The following PIEZO2 variants were observed in gnomAD, a reference collection of about 807,000 sequenced individuals.
PIEZO2 encodes the protein piezo type mechanosensitive ion channel component 2.
A neutral mutation model predicts 337.3 loss-of-function variants in PIEZO2; 172 were observed. The ratio of observed to expected loss-of-function variants is 0.51; its 90% confidence interval spans 0.45 to 0.58. The LOEUF is 0.58. Among genes scored for constraint, PIEZO2 ranks in the 20% least tolerant of loss-of-function variants. The pLI is 0.00. For missense variants in PIEZO2, 3,028 were observed against 3,391.3 expected, an observed-to-expected ratio of 0.89 and a Z score of 2.66; for synonymous variants, 1,251 against 1,228.5, an observed-to-expected ratio of 1.02 and a Z score of -0.38.
In PIEZO2 at chr18:10,784,819, C is replaced by T; in HGVS notation, c.2457G>A (p.Lys819=). Residue 819 remains lysine, a synonymous_variant, in exon 17 of 56, where the codon AAG becomes AAA. Transcript: ENST00000674853. This position sits in a 1 kb window ranked among gnomAD's most constrained non-coding sequence, Gnocchi z 4.5. ...HDRFLELTDL[K]SIPSKEDNTI... The stretch of plus-strand genomic sequence containing the variant: ...TGTTGTCTTCTTTGCTGGGAATGGA[C>T]TTGAGGTCTGTGAGTTCAAGGAACC... The T allele has an allele frequency of 6.5e-7, 1 of 1,537,546 alleles. No homozygotes were observed. The highest frequency in any genetic ancestry group is 8.7e-7 in the Non-Finnish European group (1 of 1,146,898).
Position 10,916,967 on chromosome 18 carries a change from A to C in PIEZO2, c.287-5739T>G, listed in dbSNP as rs556905546. On this transcript the variant is annotated intron_variant, in intron 3 of 55. Transcript: ENST00000674853. Reference sequence around the variant, plus strand: ...TTATTCCACAAAGTTGTAGTGTCTGATGATGAATTCTGGAAGCCTGTGAAT... The same window carrying C: ...TTATTCCACAAAGTTGTAGTGTCTGCTGATGAATTCTGGAAGCCTGTGAAT... Among the ~76,000 whole-genome samples the C allele has an allele frequency of 2.2e-4, 33 of 152,258 alleles. No individual in the cohort carries two copies. The South Asian group carries it at 4.3e-3, about 20-fold the overall frequency.
chr18:10,988,323 T>C lies in PIEZO2; in HGVS notation c.161-8663A>G, dbSNP rs2034961348. Reference sequence around the variant, plus strand: ...TCCCACCCTCTGGAACTATGAGTAATAAATTTCTATTCTTTATAAATTATC... The same window carrying C: ...TCCCACCCTCTGGAACTATGAGTAACAAATTTCTATTCTTTATAAATTATC... On this transcript the variant is annotated intron_variant, in intron 2 of 55. Transcript: ENST00000674853. The surrounding 1 kb of genome is among the most constrained non-coding windows in gnomAD (Gnocchi z 4.8). Among the ~76,000 whole-genome samples the C allele has an allele frequency of 6.6e-6, 1 of 152,180 alleles. No homozygotes were observed. Among genetic ancestry groups the C allele is most frequent in the South Asian group, 2.1e-4 (1 of 4,832 alleles).
At chr18:11,030,732 C>A (rs1391777951) in intron 2 of PIEZO2, among the ~76,000 whole-genome samples, 1 of 152,092 alleles carries the variant, frequency 6.6e-6, no homozygotes, top group Non-Finnish European at 1.5e-5. Context: ...AAGACGTAGT[C>A]CAGGGCCAGG....
intron 3 of PIEZO2, among the ~76,000 whole-genome samples, chr18:10,967,027 T>G (rs1379363205): frequency 6.8e-6 from 1 of 147,694 alleles, no homozygotes; most frequent in African/African-American, 2.5e-5. Flanking sequence ...TGTTTTTTTT[T>G]TTTTTTTTGA....
chr18:11,091,921 C>T (rs555438250), intron 1 of PIEZO2, among the ~76,000 whole-genome samples: 14 of 152,180 alleles, frequency 9.2e-5, no homozygotes, highest in African/African-American at 2.2e-4. Context: ...CGCTTTCACA[C>T]GACAACCTCC....
At chr18:10,838,644 C>A (rs2041095249) in intron 7 of PIEZO2, among the ~76,000 whole-genome samples, 1 of 152,230 alleles carries the variant, frequency 6.6e-6, no homozygotes, top group Non-Finnish European at 1.5e-5. Flanking sequence ...AAGGGGCTTA[C>A]ATTTAATTAT....
chr18:10,857,044 G>A lies in PIEZO2; in HGVS notation c.660C>T (p.Thr220=). ...KLKEFIGNMI[T]TAGKVVVTIL... Reference sequence around the variant, plus strand: ...TGGTAACAACGACTTTCCCAGCAGTGGTGATCATGTTGCCAATGAACTCCT... The same window carrying A: ...TGGTAACAACGACTTTCCCAGCAGTAGTGATCATGTTGCCAATGAACTCCT... The change falls in exon 6 of 56, where the codon ACC becomes ACT. Residue 220 remains threonine (T), a synonymous_variant. Coordinates refer to ENST00000674853, the MANE Select transcript of PIEZO2 (RefSeq NM_001378183.1). The A allele has an allele frequency of 1.3e-6, 2 of 1,537,318 alleles. No individual in the cohort carries two copies. Among genetic ancestry groups the A allele is most frequent in the Non-Finnish European group, 1.7e-6 (2 of 1,146,928 alleles).
Position 11,128,960 on chromosome 18 carries a change from T to C in PIEZO2, c.64+19565A>G, listed in dbSNP as rs2040262021. On this transcript the variant is annotated intron_variant, in intron 1 of 55. Transcript: ENST00000674853. The surrounding 1 kb of genome is among the most constrained non-coding windows in gnomAD (Gnocchi z 4.1). ...GTCCACTAAGTAAGGACTCAGTGTT[T>C]AATGTTGCAGATCAGGGAGTTAAAA... Among the ~76,000 whole-genome samples, 1 of 152,184 alleles carries C rather than the reference T, an allele frequency of 6.6e-6. No homozygotes were observed. The highest frequency in any genetic ancestry group is 1.5e-5 in the Non-Finnish European group (1 of 68,024).
rs1417449583 is a variant in PIEZO2 at position 11,126,786 on chromosome 18, T to C, written c.64+21739A>G. 1.8e-5 allele frequency among the ~76,000 whole-genome samples: 1 copy of C among 55,860 alleles called. No individual in the cohort carries two copies. The highest frequency in any genetic ancestry group is 9.0e-5 in the African/African-American group (1 of 11,160). The allele number at this position is 55,860 out of a possible 152,430, so 36.6% of individuals were successfully genotyped here. ...ACTGTTACACAGTACCTTAAGTACA[T>C]TACTATTTTTTTTTTAAAGCCCCAG... On this transcript the variant is annotated intron_variant, in intron 1 of 55. Transcript: ENST00000674853. This position sits in a 1 kb window ranked among gnomAD's most constrained non-coding sequence, Gnocchi z 4.6.
chr18:10,985,710 A>G (rs1024546981), intron 2 of PIEZO2, among the ~76,000 whole-genome samples: 12 of 151,940 alleles, frequency 7.9e-5, no homozygotes, highest in African/African-American at 2.7e-4. Context: ...CATGATAATT[A>G]CAAAAGACAA....
Position 10,724,530 on chromosome 18 carries a change from G to A in PIEZO2, c.5030-6271C>T, listed in dbSNP as rs1000915831. 1.0e-5 allele frequency: 5 copies of A among 484,840 alleles called. No homozygotes were observed. Among genetic ancestry groups the A allele is most frequent in the African/African-American group, 9.8e-5 (5 of 50,780 alleles). The allele number at this position is 484,840 out of a possible 1,614,324, so 30.0% of individuals were successfully genotyped here. A position where few individuals can be genotyped will look rare whatever the true frequency, so the allele number is the denominator to read the frequency against. On this transcript the variant is annotated intron_variant, in intron 36 of 55. Transcript: ENST00000674853. The surrounding 1 kb of genome is among the most constrained non-coding windows in gnomAD (Gnocchi z 5.8). ...TGGTCCTCTGGTCACACCCACTCATGCTGGTCTCCACATACCCTTCTGTGT... is the reference window on the plus strand; with the variant it reads ...TGGTCCTCTGGTCACACCCACTCATACTGGTCTCCACATACCCTTCTGTGT...
chr18:10,684,533 C>G (rs1484321996), intron 49 of PIEZO2, among the ~76,000 whole-genome samples: 12 of 150,436 alleles, frequency 8.0e-5, no homozygotes, highest in African/African-American at 1.7e-4. Flanking sequence ...GGTGCAGTCT[C>G]AGCTCACTGC....
intron 2 of PIEZO2, among the ~76,000 whole-genome samples, chr18:11,061,764 A>G (rs1406995646): frequency 6.6e-6 from 1 of 152,242 alleles, no homozygotes; most frequent in African/African-American, 2.4e-5. Flanking sequence ...AGAGGATACA[A>G]ACAAATGGGG....
intron 2 of PIEZO2, among the ~76,000 whole-genome samples, chr18:11,011,454 T>G (rs965250046): frequency 1.3e-5 from 2 of 152,200 alleles, no homozygotes; most frequent in African/African-American, 4.8e-5. Flanking sequence ...GGTGTATATT[T>G]ATGCTTAAAA....
rs1240525482 is a variant in PIEZO2, at chr18:10,716,612, G to A, written c.5090-796C>T. On this transcript the variant is annotated intron_variant, in intron 37 of 55. Coordinates refer to ENST00000674853, the MANE Select transcript of PIEZO2 (RefSeq NM_001378183.1). The surrounding 1 kb of genome is among the most constrained non-coding windows in gnomAD (Gnocchi z 4.1). Reference sequence around the variant, plus strand: ...CTGAATGAAGTGAGTCGCTGTGGCCGCTGAACAGGAGATGCCACGAGCACC... The same window carrying A: ...CTGAATGAAGTGAGTCGCTGTGGCCACTGAACAGGAGATGCCACGAGCACC... 2.6e-5 allele frequency among the ~76,000 whole-genome samples: 4 copies of A among 151,562 alleles called. No individual in the cohort carries two copies. Among genetic ancestry groups the A allele is most frequent in the African/African-American group, 7.3e-5 (3 of 40,900 alleles).
At chr18:10,996,810 T>C (rs1426049807) in intron 2 of PIEZO2, among the ~76,000 whole-genome samples, 1 of 152,216 alleles carries the variant, frequency 6.6e-6, no homozygotes, top group Non-Finnish European at 1.5e-5. Context: ...ATTGCAATTA[T>C]TTTATGTACA....
intron 2 of PIEZO2, among the ~76,000 whole-genome samples, chr18:11,041,050 C>T (rs1284567383): frequency 2.0e-5 from 3 of 152,110 alleles, no homozygotes; most frequent in Non-Finnish European, 4.4e-5. Flanking sequence ...TGAGACCAGG[C>T]ACACAACCTG....
In PIEZO2 at chr18:10,979,692, G is replaced by C; in HGVS notation, c.161-32C>G. The C allele has an allele frequency of 6.6e-7, 1 of 1,507,094 alleles. No homozygotes were observed. The highest frequency in any genetic ancestry group is 8.9e-7 in the Non-Finnish European group (1 of 1,127,372). The allele number at this position is 1,507,094 out of a possible 1,614,324, so 93.4% of individuals were successfully genotyped here. A position where few individuals can be genotyped will look rare whatever the true frequency, so the allele number is the denominator to read the frequency against. On this transcript the variant is annotated intron_variant, in intron 2 of 55. Coordinates refer to ENST00000674853, the MANE Select transcript of PIEZO2 (RefSeq NM_001378183.1). This position sits in a 1 kb window ranked among gnomAD's most constrained non-coding sequence, Gnocchi z 4.0. ...GATAAAAAGTGCAGAGATTGTGAGAGAGCTTAAGATGAAACACACTGGTGC... is the reference window on the plus strand; with the variant it reads ...GATAAAAAGTGCAGAGATTGTGAGACAGCTTAAGATGAAACACACTGGTGC...
chr18:10,948,404 A>AT (rs1306631048), intron 3 of PIEZO2, among the ~76,000 whole-genome samples: 2 of 151,880 alleles, frequency 1.3e-5, no homozygotes, highest in African/African-American at 2.4e-5. Flanking sequence ...CGTGTGATGC[A>AT]TTTTTTTTGG....
Sources: allele counts gnomAD v4.1 joint callset (sites outside exome capture counted in the v4.1 genomes callset), GRCh38; gene constraint gnomAD v4.1.1; non-coding constraint Gnocchi (gnomAD v3.1); transcripts MANE v1.5; gene names NCBI Gene and HGNC (gene_info 2026-07-23, HGNC 2026-07-21).